INKA2: variants seen among roughly 807,000 people sequenced by gnomAD.
INKA2 encodes PAK4-inhibitor INKA2.
Under a neutral mutation model 9.8 loss-of-function variants are expected in INKA2, and 3 were observed. The observed-to-expected ratio is 0.31, with a 90% CI of 0.14 to 0.79. INKA2 has a LOEUF of 0.79. Among genes scored for constraint, INKA2 ranks in the 30% least tolerant of loss-of-function variants. INKA2 has a pLI of 0.62. For missense variants in INKA2, 392 were observed against 384.4 expected (o/e 1.02, Z -0.17); for synonymous variants, 147 against 143.3 (o/e 1.03, Z -0.18).
intron 1 of INKA2, among the ~76,000 whole-genome samples, chr1:111,750,048 C>T (rs972057589): frequency 2.6e-5 from 4 of 152,240 alleles, no homozygotes; most frequent in African/African-American, 9.6e-5. Context: ...GCTGCCTGGA[C>T]AAGAATAAAT....
intron 1 of INKA2, 80 bp from the exon 2 acceptor site, chr1:111,727,884 C>G (rs1385614056): frequency 8.7e-6 from 12 of 1,383,984 alleles, no homozygotes; most frequent in East Asian, 2.3e-5. Context: ...CTTAGGTCCC[C>G]CACCCAAACA....
upstream of INKA2, among the ~76,000 whole-genome samples, chr1:111,743,057 T>G (rs919563834): frequency 6.6e-6 from 1 of 152,056 alleles, no homozygotes; most frequent in African/African-American, 2.4e-5. Context: ...AGGATTTAAG[T>G]GATGAGAATA....
At chr1:111,755,261 C>G (rs197389) in intron 1 of INKA2, 23,120 of 167,152 alleles carry the variant, frequency 0.14, 1,786 homozygotes, top group African/African-American at 0.22. Flanking sequence ...AGCTGTTAGT[C>G]CAGTTCCAGG....
At chr1:111,730,044 G>C (rs1020523084) in intron 1 of INKA2, among the ~76,000 whole-genome samples, 7 of 152,240 alleles carry the variant, frequency 4.6e-5, no homozygotes, top group Admixed American at 4.6e-4. Flanking sequence ...TTCACCAGTT[G>C]AATGGGGGGC....
At chr1:111,746,862 T>C (rs917957137) in intron 1 of INKA2, 10 of 152,200 alleles carry the variant, frequency 6.6e-5, no homozygotes, top group Non-Finnish European at 1.5e-4. Context: ...TGGCTCTGGT[T>C]CCAGAATCCA....
chr1:111,722,830 T>G lies in INKA2; in HGVS notation c.*4138A>C, dbSNP rs1557905673. ...AGAGAAAGCACTTTTTCTTAAGCAC[T>G]TTTGCCTTGGGTCACATGGTTAGTG... On this transcript the variant is annotated 3_prime_UTR_variant, in exon 2 of 2. Coordinates refer to ENST00000357260, the MANE Select transcript of INKA2 (RefSeq NM_019099.5). 2.1e-6 allele frequency: 1 copy of G among 475,254 alleles called. No individual in the cohort carries two copies. The highest frequency in any genetic ancestry group is 3.7e-6 in the Non-Finnish European group (1 of 268,536). 29.4% of individuals were successfully genotyped at this position (475,254 alleles called of 1,614,324 possible).
At chr1:111,740,621 C>T (rs1663123237), upstream of INKA2, among the ~76,000 whole-genome samples, 1 of 152,226 alleles carries the variant, frequency 6.6e-6, no homozygotes, top group Non-Finnish European at 1.5e-5. Flanking sequence ...CCAGAGAAGG[C>T]ACGAACGGTG....
chr1:111,739,388 TCA>T lies in INKA2; in HGVS notation c.-148_-147del. 3 of 1,491,980 alleles carry T rather than the reference TCA, an allele frequency of 2.0e-6. No individual in the cohort carries two copies. The highest frequency in any genetic ancestry group is 2.7e-6 in the Non-Finnish European group (3 of 1,121,262). The allele number at this position is 1,491,980 out of a possible 1,614,324, so 92.4% of individuals were successfully genotyped here. The stretch of plus-strand genomic sequence containing the variant: ...TGAGCCTGCGCTCCGAGCCCGGGAC[TCA>T]GAGTCGCTTCCCCAGCGGCTAGCCG... On this transcript the variant is annotated 5_prime_UTR_variant, in exon 1 of 2. Transcript: ENST00000357260.
At chr1:111,753,464 T>C (rs1328209026) in intron 1 of INKA2, among the ~76,000 whole-genome samples, 1 of 151,494 alleles carries the variant, frequency 6.6e-6, no homozygotes, top group Non-Finnish European at 1.5e-5. Flanking sequence ...AAAAAATTTG[T>C]GTTATTCACC....
At position 111,727,541 on chromosome 1, in the gene INKA2, G is replaced by A; in HGVS notation, c.321C>T (p.Ser107=). ...PSLGSSTKFP[S]HRSVCGRDLA... ...AATCCCTTCCACAGACACTCCTATG[G>A]GATGGAAACTTGGTGCTGCTGCCAA... Residue 107 remains serine, a synonymous_variant, in exon 2 of 2, where the codon TCC becomes TCT. Transcript: ENST00000357260. 6.2e-7 allele frequency: 1 copy of A among 1,613,938 alleles called. No individual in the cohort carries two copies. The highest frequency in any genetic ancestry group is 1.3e-5 in the African/African-American group (1 of 75,046).
At chr1:111,734,589 G>A (rs61788766) in intron 1 of INKA2, among the ~76,000 whole-genome samples, 1,972 of 152,178 alleles carry the variant, frequency 0.013, 52 homozygotes, top group African/African-American at 0.046. Context: ...GACATCCAGC[G>A]TGTGTCCACG....
Position 111,726,289 on chromosome 1 carries a change from G to C in INKA2, c.*679C>G. On this transcript the variant is annotated 3_prime_UTR_variant, in exon 2 of 2. Transcript: ENST00000357260. ...GTCAACATCCTTCCCCTGTGCATGG[G>C]GGAGACGCGGGGAGTGTCTAGGGCT... 3 of 380,064 alleles carry C rather than the reference G, an allele frequency of 7.9e-6. No individual in the cohort carries two copies. Among genetic ancestry groups the C allele is most frequent in the Non-Finnish European group, 1.4e-5 (3 of 214,754 alleles). 23.5% of individuals were successfully genotyped at this position (380,064 alleles called of 1,614,324 possible).
In INKA2 at chr1:111,727,496, T is replaced by C. The variant is rs1350257351; in HGVS notation, c.366A>G (p.Thr122=). The C allele has an allele frequency of 1.9e-6, 3 of 1,614,228 alleles. No individual in the cohort carries two copies. The highest frequency in any genetic ancestry group is 2.5e-6 in the Non-Finnish European group (3 of 1,180,040). ...CGRDLAPLPR[T]QPHQSCAQQG... is the part of the protein sequence containing the mutation. ...GCTGAGCACAGCTTTGATGTGGCTG[T>C]GTCCTGGGCAAGGGGGCTAAATCCC... The change falls in exon 2 of 2, where the codon ACA becomes ACG. Residue 122 remains threonine (T), a synonymous_variant. Coordinates refer to ENST00000357260, the MANE Select transcript of INKA2 (RefSeq NM_019099.5).
chr1:111,735,996 C>G (rs1385889923), intron 1 of INKA2, among the ~76,000 whole-genome samples: 1 of 152,194 alleles, frequency 6.6e-6, no homozygotes, highest in African/African-American at 2.4e-5. Context: ...GAGGGATGCC[C>G]TGTGAGCATC....
intron 1 of INKA2, chr1:111,745,781 A>C (rs1286725240): frequency 6.6e-6 from 1 of 152,202 alleles, no homozygotes; most frequent in East Asian, 1.9e-4. Context: ...CCAGAGGCCC[A>C]GTGCTGGCTG....
upstream of INKA2, among the ~76,000 whole-genome samples, chr1:111,744,153 C>A (rs1409652349): frequency 6.6e-6 from 1 of 152,214 alleles, no homozygotes; most frequent in Non-Finnish European, 1.5e-5. Context: ...CAGGACTGGG[C>A]TCCTCTGACC....
At chr1:111,736,866 G>T (rs1464284622) in intron 1 of INKA2, among the ~76,000 whole-genome samples, 3 of 152,252 alleles carry the variant, frequency 2.0e-5, no homozygotes, top group Admixed American at 1.3e-4. Flanking sequence ...CAGCCAAAGG[G>T]CTAACCCTGG....
intron 1 of INKA2, among the ~76,000 whole-genome samples, chr1:111,731,631 C>T (rs1211057531): frequency 6.6e-6 from 1 of 152,186 alleles, no homozygotes; most frequent in Admixed American, 6.5e-5. Context: ...GGCTAACAGG[C>T]GTAAGCTGCC....
chr1:111,727,036 T>TG lies in INKA2; in HGVS notation c.825dup (p.Thr276HisfsTer15), dbSNP rs759002690. On this transcript the variant is annotated frameshift_variant, in exon 2 of 2. Transcript: ENST00000357260. LOFTEE classifies it high-confidence loss of function. ...TGCTCCAGGGCCTTGGGGCAGCTTG[T>TG]GGGGGGATTCTCCCCTCGCCTGTGC... is the stretch of plus-strand genomic sequence containing the variant. 13 of 1,613,980 alleles carry TG rather than the reference T, an allele frequency of 8.1e-6. No individual in the cohort carries two copies. Among genetic ancestry groups the TG allele is most frequent in the Non-Finnish European group, 1.1e-5 (13 of 1,179,990 alleles).
Sources: gnomAD v4.1 joint callset for allele counts (sites outside exome capture counted in the v4.1 genomes callset) on GRCh38, gnomAD v4.1.1 for gene constraint, MANE v1.5 for transcripts, NCBI Gene and HGNC (gene_info 2026-07-23, HGNC 2026-07-21) for gene names.